Variants in CLEC9A observed in about 807,000 individuals in gnomAD.
CLEC9A encodes C-type lectin domain family 9 member A.
Under a neutral mutation model 30.0 loss-of-function variants are expected in CLEC9A, and 24 were observed. That is an observed-to-expected ratio of 0.80 (90% confidence interval 0.58 to 1.13). The LOEUF (loss-of-function observed/expected upper bound fraction) is 1.13. CLEC9A is among the 50% of genes most tolerant of loss of function. CLEC9A has a pLI of 0.00. For missense variants in CLEC9A, 251 were observed against 280.9 expected, an observed-to-expected ratio of 0.89 and a Z score of 0.76; for synonymous variants, 111 against 96.8, an observed-to-expected ratio of 1.15 and a Z score of -0.86.
At position 10,049,903 on chromosome 12, in the gene CLEC9A, CT is replaced by C. The variant is rs575983123; in HGVS notation, c.-162-2087del. Among the ~76,000 whole-genome samples, 439 of 152,270 alleles carry C rather than the reference CT, an allele frequency of 2.9e-3. 1 individual carries two copies. Among genetic ancestry groups the C allele is most frequent in the African/African-American group, 0.01 (429 of 41,546 alleles). ...TGGCTAGCTGTTTTACATAATAAGCCTAGCTTTTGGTTTATCTTTGCTGTTG... is the reference window on the plus strand; with the variant it reads ...TGGCTAGCTGTTTTACATAATAAGCCAGCTTTTGGTTTATCTTTGCTGTTG... On this transcript the variant is annotated intron_variant, in intron 2 of 8. Transcript: ENST00000355819.
At chr12:10,064,954 G>C in intron 8 of CLEC9A, 101 bp downstream of exon 8, 1 of 1,381,796 alleles carries the variant, frequency 7.2e-7, no homozygotes, top group Non-Finnish European at 9.6e-7. Flanking sequence ...GGGACAAGCA[G>C]CATGATAATG....
chr12:10,052,938 A>G, intron 4 of CLEC9A, 160 bp downstream of exon 4: 2 of 748,792 alleles, frequency 2.7e-6, no homozygotes, highest in Non-Finnish European at 2.0e-6. Flanking sequence ...AGGATTAAGT[A>G]ACGGTGAAAA....
At chr12:10,039,876 G>C (rs1865776145) in intron 1 of CLEC9A, among the ~76,000 whole-genome samples, 1 of 149,592 alleles carries the variant, frequency 6.7e-6, no homozygotes, top group Non-Finnish European at 1.5e-5. Context: ...GGCTGGAGTT[G>C]CAGAGGTGCT....
chr12:10,055,088 T>C (rs1488691021), intron 5 of CLEC9A, among the ~76,000 whole-genome samples: 2 of 152,224 alleles, frequency 1.3e-5, no homozygotes, highest in African/African-American at 2.4e-5. Context: ...GCTTAGGTAA[T>C]GTCATGAGCT....
chr12:10,045,391 T>G (rs1865837687), intron 2 of CLEC9A: 1 of 155,870 alleles, frequency 6.4e-6, no homozygotes, highest in South Asian at 2.0e-4. Flanking sequence ...CCCCAGAGTC[T>G]CCATTTTGTG....
intron 7 of CLEC9A, among the ~76,000 whole-genome samples, chr12:10,064,423 T>TG (rs1158240852): frequency 1.3e-5 from 2 of 152,226 alleles, no homozygotes; most frequent in African/African-American, 2.4e-5. Flanking sequence ...TTTTTATTTT[T>TG]GATAACGAAG....
chr12:10,040,066 G>A (rs1331063603), intron 1 of CLEC9A, among the ~76,000 whole-genome samples: 1 of 152,168 alleles, frequency 6.6e-6, no homozygotes, highest in Non-Finnish European at 1.5e-5. Context: ...CAAGTGATGT[G>A]CCAGCCTCGG....
intron 7 of CLEC9A, among the ~76,000 whole-genome samples, chr12:10,064,401 A>G (rs544108445): frequency 6.6e-6 from 1 of 152,272 alleles, no homozygotes; most frequent in East Asian, 1.9e-4. Context: ...GTGGTCTATG[A>G]TGTCAAGAAT....
chr12:10,063,100 A>AT lies in CLEC9A; in HGVS notation c.365_366insT (p.Glu122AspfsTer8). Reference sequence around the variant, plus strand: ...CCAAACAATTGGATTCAGAACAGAGAAAGTTGTTACTATGTCTCTGAAATT... The same window carrying AT: ...CCAAACAATTGGATTCAGAACAGAGATAAGTTGTTACTATGTCTCTGAAATT... On this transcript the variant is annotated frameshift_variant, in exon 7 of 9. Coordinates refer to ENST00000355819, the MANE Select transcript of CLEC9A (RefSeq NM_207345.4). LOFTEE classifies it high-confidence loss of function. The AT allele has an allele frequency of 1.9e-6, 3 of 1,612,006 alleles. No homozygotes were observed. The highest frequency in any genetic ancestry group is 2.5e-6 in the Non-Finnish European group (3 of 1,179,256).
chr12:10,032,804 C>G (rs569087282), intron 1 of CLEC9A, among the ~76,000 whole-genome samples: 45 of 152,228 alleles, frequency 3.0e-4, no homozygotes, highest in African/African-American at 1.1e-3. Context: ...ATAATATCTC[C>G]TATGTTAAAA....
chr12:10,064,743 T>C lies in CLEC9A; in HGVS notation c.483T>C (p.Thr161=). 6.2e-7 allele frequency: 1 copy of C among 1,611,404 alleles called. No individual in the cohort carries two copies. ...TTTTTGTCTCATAGGATTTTATCAC[T>C]GGCAGCTTGAGGAAGATTAAAGGAA... ...IESKEEMDFI[T]GSLRKIKGSY... The change falls in exon 8 of 9, where the codon ACT becomes ACC. Residue 161 remains threonine (T), a synonymous_variant. Transcript: ENST00000355819.
At chr12:10,057,059 T>G (rs900042694) in intron 5 of CLEC9A, among the ~76,000 whole-genome samples, 1 of 152,040 alleles carries the variant, frequency 6.6e-6, no homozygotes, top group African/African-American at 2.4e-5. Flanking sequence ...TTTTAACACT[T>G]AAGGCTTTAA....
chr12:10,038,135 T>C (rs1410449494), intron 1 of CLEC9A, among the ~76,000 whole-genome samples: 2 of 152,198 alleles, frequency 1.3e-5, no homozygotes, highest in Non-Finnish European at 2.9e-5. Flanking sequence ...AAAAATGGGT[T>C]TGGGATTTTA....
rs1865923568 is a variant in CLEC9A at position 10,054,550 on chromosome 12, T to G, written c.172+199T>G. ...CTTTCAATGATCTATTGCATGTTTT[T>G]TAACTCAAATCATGTGCTATAGGTC... On this transcript the variant is annotated intron_variant, in intron 5 of 8. Coordinates refer to ENST00000355819, the MANE Select transcript of CLEC9A (RefSeq NM_207345.4). 2.0e-5 allele frequency among the ~76,000 whole-genome samples: 3 copies of G among 152,216 alleles called. No individual in the cohort carries two copies. The South Asian group carries it at 6.2e-4, about 32-fold the overall frequency.
intron 2 of CLEC9A, among the ~76,000 whole-genome samples, chr12:10,047,940 A>C (rs1462190146): frequency 6.6e-6 from 1 of 152,066 alleles, no homozygotes; most frequent in Admixed American, 6.6e-5. Flanking sequence ...TTTTAAAATA[A>C]GACAACAGTG....
chr12:10,048,029 C>G (rs931542523), intron 2 of CLEC9A, among the ~76,000 whole-genome samples: 1 of 151,392 alleles, frequency 6.6e-6, no homozygotes, highest in African/African-American at 2.4e-5. Context: ...GTCAGGAGAT[C>G]GAGACCATCC....
chr12:10,031,161 A>T (rs1475205957), intron 1 of CLEC9A, among the ~76,000 whole-genome samples, 189 bp downstream of exon 1: 1 of 152,250 alleles, frequency 6.6e-6, no homozygotes, highest in African/African-American at 2.4e-5. Flanking sequence ...TTAAGAAATA[A>T]TGAATGATAT....
chr12:10,039,052 C>T (rs1865768819), intron 1 of CLEC9A, among the ~76,000 whole-genome samples: 1 of 152,224 alleles, frequency 6.6e-6, no homozygotes, highest in Non-Finnish European at 1.5e-5. Context: ...GGGGCAGGGG[C>T]AGGGGTGAGC....
Position 10,038,110 on chromosome 12 carries a change from A to G in CLEC9A, c.-317-3356A>G, listed in dbSNP as rs557980631. On this transcript the variant is annotated intron_variant, in intron 1 of 8. Coordinates refer to ENST00000355819, the MANE Select transcript of CLEC9A (RefSeq NM_207345.4). ...AACCACTGAATATTTTAACTGAGATAAAAAACTCAGTGACAAAAATGGGTT... is the reference window on the plus strand; with the variant it reads ...AACCACTGAATATTTTAACTGAGATGAAAAACTCAGTGACAAAAATGGGTT... Among the ~76,000 whole-genome samples, 168 of 152,324 alleles carry G rather than the reference A, an allele frequency of 1.1e-3. 1 individual carries two copies. The highest frequency in any genetic ancestry group is 3.9e-3 in the African/African-American group (163 of 41,570).
Sources: gnomAD v4.1 joint callset for allele counts (sites outside exome capture counted in the v4.1 genomes callset) on GRCh38, gnomAD v4.1.1 for gene constraint, MANE v1.5 for transcripts, NCBI Gene and HGNC (gene_info 2026-07-23, HGNC 2026-07-21) for gene names.